TOM1L1: variants seen among roughly 807,000 people sequenced by gnomAD.
TOM1L1 encodes target of myb1 like 1 membrane trafficking protein, also known as TOM1-like protein 1.
In TOM1L1, 64 loss-of-function variants were observed where a neutral mutation model predicts 63.4. The ratio of observed to expected loss-of-function variants is 1.01; its 90% CI spans 0.83 to 1.24. The LOEUF (loss-of-function observed/expected upper bound fraction) is 1.24, where lower values mean the gene tolerates loss of function less well. TOM1L1 is among the 50% of genes most tolerant of loss of function. The pLI, the probability that TOM1L1 is intolerant of heterozygous loss-of-function variation, is 0.00. For synonymous variants in TOM1L1, 166 were observed against 194.4 expected (o/e 0.85, Z 1.22); for missense variants, 536 against 567.0 (o/e 0.95, Z 0.55).
chr17:54,940,095 C>T (rs546712412), intron 11 of TOM1L1, among the ~76,000 whole-genome samples: 51 of 152,144 alleles, frequency 3.4e-4, no homozygotes, highest in Admixed American at 5.9e-4. Context: ...GAGGTTTTGC[C>T]GTGTTGCCCA....
At chr17:54,933,240 C>T (rs2048892638) in intron 8 of TOM1L1, among the ~76,000 whole-genome samples, 1 of 152,174 alleles carries the variant, frequency 6.6e-6, no homozygotes, top group Non-Finnish European at 1.5e-5. Context: ...TCTTCAAAGC[C>T]AACCATGTCT....
intron 7 of TOM1L1, among the ~76,000 whole-genome samples, chr17:54,923,697 C>T (rs2048720102): frequency 6.6e-6 from 1 of 151,942 alleles, no homozygotes; most frequent in South Asian, 2.1e-4. Context: ...AGGTGCCTGC[C>T]ACCATGCCTG....
intron 7 of TOM1L1, among the ~76,000 whole-genome samples, chr17:54,923,593 T>C (rs989750732): frequency 2.0e-5 from 3 of 152,008 alleles, no homozygotes; most frequent in African/African-American, 7.2e-5. Context: ...TCACCCAGGC[T>C]GGAGTGCAGT....
intron 10 of TOM1L1, chr17:54,938,699 T>G: frequency 2.6e-6 from 1 of 387,192 alleles, no homozygotes; most frequent in Non-Finnish European, 4.5e-6. Context: ...GGGAAATTCT[T>G]TCTCTCTCTA....
chr17:54,949,434 G>A (rs1290567964), intron 12 of TOM1L1, 84 bp from the exon 13 acceptor site: 4 of 978,136 alleles, frequency 4.1e-6, no homozygotes, highest in African/African-American at 1.6e-5. Context: ...TTGGAACAAT[G>A]TACTTGCAAG....
At chr17:54,940,777 A>C (rs552227081) in intron 11 of TOM1L1, among the ~76,000 whole-genome samples, 57 of 151,864 alleles carry the variant, frequency 3.8e-4, no homozygotes, top group Non-Finnish European at 4.9e-4. Context: ...CACATAAAGA[A>C]ACAAGAATGA....
At chr17:54,956,117 G>A (rs968089540) in intron 14 of TOM1L1, among the ~76,000 whole-genome samples, 5 of 152,132 alleles carry the variant, frequency 3.3e-5, no homozygotes, top group African/African-American at 1.2e-4. Context: ...CATTCATCTG[G>A]TAATAGACAA....
intron 14 of TOM1L1, chr17:54,954,775 C>CATTTTTTG (rs1210518766): frequency 6.6e-6 from 1 of 152,182 alleles, no homozygotes; most frequent in East Asian, 1.9e-4. Flanking sequence ...TTCCCTTTGG[C>CATTTTTTG]CAATTTACAT....
At chr17:54,961,100 G>A (rs930689206) in intron 15 of TOM1L1, 135 bp from the exon 16 acceptor site, 4 of 693,698 alleles carry the variant, frequency 5.8e-6, no homozygotes, top group Middle Eastern at 2.4e-4. Flanking sequence ...CCTCCCCTAT[G>A]GAAGAAGCAC....
chr17:54,911,386 CT>C (rs760261020), intron 3 of TOM1L1, among the ~76,000 whole-genome samples: 33 of 152,166 alleles, frequency 2.2e-4, no homozygotes, highest in Admixed American at 3.9e-4. Flanking sequence ...TGATGACTCA[CT>C]TTTGGCCCTT....
chr17:54,923,200 A>T (rs1266372070), intron 7 of TOM1L1, among the ~76,000 whole-genome samples: 1 of 152,198 alleles, frequency 6.6e-6, no homozygotes, highest in Non-Finnish European at 1.5e-5. Context: ...GAACATTCAC[A>T]TACAGGTTTT....
chr17:54,931,710 G>A (rs1428524639), intron 8 of TOM1L1, among the ~76,000 whole-genome samples: 4 of 152,122 alleles, frequency 2.6e-5, no homozygotes, highest in Admixed American at 6.5e-5. Context: ...GGCTGAGGTG[G>A]GAGCATCTCT....
chr17:54,949,664 A>T, intron 13 of TOM1L1, 41 bp downstream of exon 13: 1 of 1,400,616 alleles, frequency 7.1e-7, no homozygotes, highest in Non-Finnish European at 1.0e-6. Context: ...AAGGAAACTT[A>T]TGAGAATATA....
chr17:54,906,476 C>CAA lies in TOM1L1; in HGVS notation c.222+925_222+926dup, dbSNP rs57524831. ...TGAGCAACAGAGCAAGACTCCTTCT[C>CAA]AAAAAAAAAAAAAAAAAGTTTGTGC... is the stretch of plus-strand genomic sequence containing the variant. On this transcript the variant is annotated intron_variant, in intron 3 of 15. Transcript: ENST00000575882. 5.1e-3 allele frequency among the ~76,000 whole-genome samples: 483 copies of CAA among 93,830 alleles called. 5 individuals carry two copies. The highest frequency in any genetic ancestry group is 0.016 in the African/African-American group (391 of 25,184). 61.6% of individuals were successfully genotyped at this position (93,830 alleles called of 152,430 possible). A position where few individuals can be genotyped will look rare whatever the true frequency, so the allele number is the denominator to read the frequency against.
At chr17:54,952,244 TCAAA>T (rs765149643) in intron 14 of TOM1L1, 1 of 152,124 alleles carries the variant, frequency 6.6e-6, no homozygotes, top group African/African-American at 2.4e-5. Flanking sequence ...TGAGAACTTC[TCAAA>T]CAGAATTAGA....
chr17:54,926,008 C>A (rs1249061364), intron 7 of TOM1L1, among the ~76,000 whole-genome samples: 5 of 152,192 alleles, frequency 3.3e-5, no homozygotes, highest in African/African-American at 1.2e-4. Flanking sequence ...TTCTTTGGAA[C>A]CTATTCCTTG....
At chr17:54,914,494 C>T (rs373973402) in intron 5 of TOM1L1, 145 bp from the exon 6 acceptor site, 11 of 616,022 alleles carry the variant, frequency 1.8e-5, no homozygotes, top group Admixed American at 5.1e-5. Context: ...AAATGCTGGA[C>T]GGGTTGTGTA....
At chr17:54,920,010 T>A (rs73992860) in intron 7 of TOM1L1, among the ~76,000 whole-genome samples, 37,745 of 142,158 alleles carry the variant, frequency 0.27, 5,399 homozygotes, top group African/African-American at 0.4. Context: ...TTATTTATTT[T>A]ATTTATTCAT....
At chr17:54,955,687 C>T (rs932015141) in intron 14 of TOM1L1, among the ~76,000 whole-genome samples, 1 of 152,018 alleles carries the variant, frequency 6.6e-6, no homozygotes, top group Non-Finnish European at 1.5e-5. Context: ...CGATGTCTCT[C>T]AGTCTCCCAG....
Sources: allele counts gnomAD v4.1 joint callset (sites outside exome capture counted in the v4.1 genomes callset), GRCh38; gene constraint gnomAD v4.1.1; transcripts MANE v1.5; gene names NCBI Gene and HGNC (gene_info 2026-07-23, HGNC 2026-07-21).